The following MAPK10 variants were observed in gnomAD, a reference collection of about 807,000 sequenced individuals.
MAPK10 encodes the protein mitogen-activated protein kinase 10.
In MAPK10, 25 loss-of-function variants were observed where a neutral mutation model predicts 59.3. The observed-to-expected ratio is 0.42, with a 90% CI of 0.31 to 0.59. The LOEUF (loss-of-function observed/expected upper bound fraction) is 0.59, where lower values mean the gene tolerates loss of function less well. Ranked by LOEUF, MAPK10 falls within the 20% of genes least tolerant of loss-of-function variation. The pLI is 0.15. For synonymous variants in MAPK10, 190 were observed against 200.5 expected, an observed-to-expected ratio of 0.95 and a Z score of 0.44; for missense variants, 351 against 568.9, an observed-to-expected ratio of 0.62 and a Z score of 3.90.
At chr4:86,261,992 T>C (rs1410728340) in intron 2 of MAPK10, among the ~76,000 whole-genome samples, 1 of 152,242 alleles carries the variant, frequency 6.6e-6, no homozygotes, top group Non-Finnish European at 1.5e-5. Flanking sequence ...TTTGATGCCA[T>C]GTGTAATTTA....
intron 1 of MAPK10, among the ~76,000 whole-genome samples, chr4:86,550,163 G>A (rs1419097078): frequency 1.3e-5 from 2 of 151,654 alleles, no homozygotes; most frequent in African/African-American, 4.8e-5. Flanking sequence ...CTTCATTCAG[G>A]ACATGGAAGC....
Position 86,016,187 on chromosome 4 carries a change from T to G in MAPK10, c.*1041A>C, listed in dbSNP as rs912181288. On this transcript the variant is annotated 3_prime_UTR_variant, in exon 14 of 14. Transcript: ENST00000641462. ...AACCTTGCTTCACCACCTGCCACTTTCTCCAGTGGCCTCTTGTTGTGACCA... is the reference window on the plus strand; with the variant it reads ...AACCTTGCTTCACCACCTGCCACTTGCTCCAGTGGCCTCTTGTTGTGACCA... 2 of 152,204 alleles carry G rather than the reference T, an allele frequency of 1.3e-5. No homozygotes were observed. The highest frequency in any genetic ancestry group is 4.8e-5 in the African/African-American group (2 of 41,434). 9.4% of individuals were successfully genotyped at this position (152,204 alleles called of 1,614,324 possible).
chr4:86,409,384 C>A (rs1744825600), intron 1 of MAPK10, among the ~76,000 whole-genome samples: 1 of 152,168 alleles, frequency 6.6e-6, no homozygotes, highest in South Asian at 2.1e-4. Flanking sequence ...GCTATGCAGG[C>A]TCTTTTTTTG....
At chr4:86,206,894 T>A (rs146005304) in intron 2 of MAPK10, among the ~76,000 whole-genome samples, 12,881 of 152,200 alleles carry the variant, frequency 0.085, 1,200 homozygotes, top group African/African-American at 0.23. Flanking sequence ...GATGGGGTTG[T>A]ATGCTTTTTT....
chr4:86,154,408 T>G (rs2067192839), intron 4 of MAPK10, among the ~76,000 whole-genome samples: 1 of 152,140 alleles, frequency 6.6e-6, no homozygotes, highest in Admixed American at 6.6e-5. Context: ...CCAGCCTCCA[T>G]GATGGAGTAT....
chr4:86,273,827 C>T (rs1406385950), intron 2 of MAPK10, among the ~76,000 whole-genome samples: 2 of 151,952 alleles, frequency 1.3e-5, no homozygotes, highest in Non-Finnish European at 2.9e-5. Flanking sequence ...AAGAGAAGAA[C>T]ATTAGAAAAC....
intron 1 of MAPK10, among the ~76,000 whole-genome samples, chr4:86,575,140 G>A (rs1761784950): frequency 6.6e-6 from 1 of 152,144 alleles, no homozygotes; most frequent in South Asian, 2.1e-4. Context: ...CTGCCTGTTT[G>A]AGCCGGGACA....
At chr4:86,445,982 T>C in intron 1 of MAPK10, among the ~76,000 whole-genome samples, 1 of 152,318 alleles carries the variant, frequency 6.6e-6, no homozygotes, top group African/African-American at 2.4e-5. Flanking sequence ...AAAATCTTAA[T>C]TTTTCTTATT....
At chr4:86,321,441 T>C (rs1293155354) in intron 2 of MAPK10, among the ~76,000 whole-genome samples, 1 of 151,966 alleles carries the variant, frequency 6.6e-6, no homozygotes, top group Non-Finnish European at 1.5e-5. Context: ...TGTAGGGACA[T>C]GGATGAAATT....
chr4:86,258,038 C>A (rs759770626), intron 2 of MAPK10, among the ~76,000 whole-genome samples: 1 of 152,074 alleles, frequency 6.6e-6, no homozygotes, highest in Non-Finnish European at 1.5e-5. Flanking sequence ...AATGCTCAAT[C>A]GTGAAGATGA....
At chr4:86,133,864 T>C (rs1412720119) in intron 4 of MAPK10, among the ~76,000 whole-genome samples, 2 of 152,212 alleles carry the variant, frequency 1.3e-5, no homozygotes, top group African/African-American at 4.8e-5. Context: ...AAAGCATTGG[T>C]AGTCCATAAA....
chr4:86,035,575 A>G (rs1002523749), intron 11 of MAPK10, among the ~76,000 whole-genome samples: 6 of 151,798 alleles, frequency 4.0e-5, no homozygotes, highest in Non-Finnish European at 5.9e-5. Context: ...TGCGGTTAAA[A>G]AAAAAAAAAG....
chr4:86,581,314 A>C (rs1051174001), intron 1 of MAPK10, among the ~76,000 whole-genome samples: 1 of 152,102 alleles, frequency 6.6e-6, no homozygotes, highest in Admixed American at 6.6e-5. Context: ...TAAAACAGGA[A>C]GAGAAATAAT....
At chr4:86,557,673 C>A (rs1316684783) in intron 1 of MAPK10, among the ~76,000 whole-genome samples, 1 of 151,918 alleles carries the variant, frequency 6.6e-6, no homozygotes, top group African/African-American at 2.4e-5. Context: ...TTAGTTTCAG[C>A]CAAAAGTAGG....
intron 1 of MAPK10, among the ~76,000 whole-genome samples, chr4:86,462,850 T>A (rs1751866571): frequency 6.6e-6 from 1 of 151,992 alleles, no homozygotes; most frequent in African/African-American, 2.4e-5. Context: ...TAGGAAAAAA[T>A]TTGCAAGGTT....
chr4:86,422,864 A>G (rs12508545), intron 1 of MAPK10, among the ~76,000 whole-genome samples: 1 of 152,256 alleles, frequency 6.6e-6, no homozygotes, highest in Non-Finnish European at 1.5e-5. Context: ...GAATTATATT[A>G]GGAAGCAAAA....
intron 9 of MAPK10, among the ~76,000 whole-genome samples, chr4:86,077,724 T>C (rs908626184): frequency 1.3e-5 from 2 of 152,218 alleles, no homozygotes; most frequent in Non-Finnish European, 2.9e-5. Flanking sequence ...CTTTGCAATT[T>C]AAAGAACATC....
chr4:86,356,495 T>G (rs531647487), intron 1 of MAPK10: 1 of 920,648 alleles, frequency 1.1e-6, no homozygotes, highest in East Asian at 1.2e-4. Context: ...CTACCAAGAT[T>G]CACAATAAGA....
chr4:86,139,377 C>A (rs1204864625), intron 4 of MAPK10, among the ~76,000 whole-genome samples: 4 of 150,750 alleles, frequency 2.7e-5, no homozygotes, highest in African/African-American at 9.8e-5. Context: ...GAAATAACGC[C>A]GCATATCTAC....
Sources: allele counts gnomAD v4.1 joint callset (sites outside exome capture counted in the v4.1 genomes callset), GRCh38; gene constraint gnomAD v4.1.1; transcripts MANE v1.5; gene names NCBI Gene and HGNC (gene_info 2026-07-23, HGNC 2026-07-21).